Variants in DCTD observed in about 807,000 individuals in gnomAD.
DCTD encodes deoxycytidylate deaminase.
A neutral mutation model predicts 21.0 loss-of-function variants in DCTD; 23 were observed. The ratio of observed to expected loss-of-function variants is 1.09; its 90% CI spans 0.79 to 1.55. DCTD has a LOEUF of 1.55. Among genes scored for constraint, DCTD ranks in the 40% most tolerant of loss-of-function variants. DCTD has a pLI of 0.00. For synonymous variants in DCTD, 71 were observed against 81.1 expected (o/e 0.88, Z 0.67); for missense variants, 224 against 230.0 (o/e 0.97, Z 0.17).
At chr4:182,912,596 C>A (rs1737900551) in intron 3 of DCTD, among the ~76,000 whole-genome samples, 1 of 152,134 alleles carries the variant, frequency 6.6e-6, no homozygotes, top group Admixed American at 6.5e-5. Flanking sequence ...TGGACAAATA[C>A]CTATGCAGGT....
At chr4:182,903,614 T>A (rs951141737) in intron 3 of DCTD, among the ~76,000 whole-genome samples, 5 of 152,002 alleles carry the variant, frequency 3.3e-5, no homozygotes, top group African/African-American at 1.2e-4. Flanking sequence ...GGGGAGAAAG[T>A]GGTGGGTCAC....
chr4:182,916,328 A>C (rs1205505146), intron 1 of DCTD: 2 of 968,922 alleles, frequency 2.1e-6, no homozygotes, highest in East Asian at 2.3e-4. Context: ...GAGCCCACGA[A>C]GGGGGTCCTA....
Position 182,917,349 on chromosome 4 carries a change from C to T in DCTD, c.-46G>A, listed in dbSNP as rs1738924736. 2 of 1,095,028 alleles carry T rather than the reference C, an allele frequency of 1.8e-6. No individual in the cohort carries two copies. The highest frequency in any genetic ancestry group is 2.2e-6 in the Non-Finnish European group (2 of 901,474). 67.8% of individuals were successfully genotyped at this position (1,095,028 alleles called of 1,614,324 possible). A position where few individuals can be genotyped will look rare whatever the true frequency, so the allele number is the denominator to read the frequency against. ...CTCCGCGCGCAGGCCGGTGCTCGTCCCCGCCGCCGCCGTGCTCAGGGAAGG... is the reference window on the plus strand; with the variant it reads ...CTCCGCGCGCAGGCCGGTGCTCGTCTCCGCCGCCGCCGTGCTCAGGGAAGG... On this transcript the variant is annotated 5_prime_UTR_variant, in exon 1 of 6. Transcript: ENST00000438320. This position sits in a 1 kb window ranked among gnomAD's most constrained non-coding sequence, Gnocchi z 4.9.
At chr4:182,896,397 T>C (rs1286408820) in intron 3 of DCTD, among the ~76,000 whole-genome samples, 2 of 152,250 alleles carry the variant, frequency 1.3e-5, no homozygotes, top group Non-Finnish European at 2.9e-5. Flanking sequence ...AATTCCATGT[T>C]TTAGGAGATC....
intron 3 of DCTD, among the ~76,000 whole-genome samples, chr4:182,905,326 CTTTTTT>C (rs70956544): frequency 8.2e-6 from 1 of 121,576 alleles, no homozygotes. Flanking sequence ...AGCCCGCCTT[CTTTTTT>C]TTTTTTTTTT....
intron 3 of DCTD, among the ~76,000 whole-genome samples, chr4:182,900,634 T>C (rs1735559574): frequency 6.6e-6 from 1 of 151,994 alleles, no homozygotes; most frequent in South Asian, 2.1e-4. Flanking sequence ...ATGTTCAACC[T>C]AGAATTACAC....
At chr4:182,916,953 G>A in intron 1 of DCTD, 2 of 996,262 alleles carry the variant, frequency 2.0e-6, no homozygotes, top group Non-Finnish European at 2.4e-6. Context: ...TCGCAACCCC[G>A]TCAGCTCTGA....
intron 5 of DCTD, among the ~76,000 whole-genome samples, chr4:182,892,241 T>C (rs1003105905): frequency 1.3e-5 from 2 of 152,212 alleles, no homozygotes; most frequent in Admixed American, 6.5e-5. Context: ...TGGAAAACTT[T>C]ACAGTCCCAA....
intron 3 of DCTD, among the ~76,000 whole-genome samples, chr4:182,902,342 G>A (rs772974566): frequency 1.3e-5 from 2 of 152,194 alleles, no homozygotes; most frequent in Non-Finnish European, 2.9e-5. Context: ...CCTGCATGAA[G>A]TTCCTATTAG....
chr4:182,900,712 G>C lies in DCTD; in HGVS notation c.245-6107C>G, dbSNP rs540628376. On this transcript the variant is annotated intron_variant, in intron 3 of 5. Transcript: ENST00000438320. ...CATATATATTTGATAAGCACAAAGA[G>C]TGACACACAACCCTCCAGTTATTCC... Among the ~76,000 whole-genome samples, 25 of 152,268 alleles carry C rather than the reference G, an allele frequency of 1.6e-4. No homozygotes were observed. The South Asian group carries it at 5.2e-3, about 32-fold the overall frequency.
At chr4:182,906,064 C>T (rs116059871) in intron 3 of DCTD, among the ~76,000 whole-genome samples, 9 of 152,172 alleles carry the variant, frequency 5.9e-5, no homozygotes, top group African/African-American at 1.9e-4. Context: ...GCCCTCGCAT[C>T]GTACACCACG....
rs35932500 is a variant in DCTD at position 182,914,995 on chromosome 4, T to C, written c.172A>G (p.Asn58Asp). The C allele has an allele frequency of 1.3e-3, 2,132 of 1,614,058 alleles. 2 individuals carry two copies. The highest frequency in any genetic ancestry group is 1.7e-3 in the Non-Finnish European group (1,968 of 1,180,036). The part of the protein sequence containing the change: ...IVGIGYNGMP[N>D]GCSDDVLPWR... ...GGCAACACGTCATCACTGCACCCAT[T>C]TGGCATCCCATTGTACCCAATCCCG... is the stretch of plus-strand genomic sequence containing the variant. Residue 58 changes from asparagine to aspartate, a missense_variant, in exon 3 of 6, where the codon AAT becomes GAT. Transcript: ENST00000438320.
At chr4:182,891,566 G>GA (rs1733755050) in intron 5 of DCTD, 89 bp from the exon 6 acceptor site, 1 of 876,240 alleles carries the variant, frequency 1.1e-6, no homozygotes, top group Non-Finnish European at 1.9e-6. Flanking sequence ...TCTGTGCAGA[G>GA]AAAAATATGT....
chr4:182,891,525 C>T, intron 5 of DCTD, 48 bp from the exon 6 acceptor site: 1 of 1,307,196 alleles, frequency 7.6e-7, no homozygotes, highest in Non-Finnish European at 1.1e-6. Context: ...GTAGTGAAAG[C>T]AATTTGTTTA....
Position 182,917,342 on chromosome 4 carries a change from G to A in DCTD, c.-39C>T. The A allele has an allele frequency of 8.2e-6, 9 of 1,095,348 alleles. No individual in the cohort carries two copies. The highest frequency in any genetic ancestry group is 8.9e-6 in the Non-Finnish European group (8 of 901,578). 67.9% of individuals were successfully genotyped at this position (1,095,348 alleles called of 1,614,324 possible). A position where few individuals can be genotyped will look rare whatever the true frequency, so the allele number is the denominator to read the frequency against. Reference sequence around the variant, plus strand: ...GTGCCGGCTCCGCGCGCAGGCCGGTGCTCGTCCCCGCCGCCGCCGTGCTCA... The same window carrying A: ...GTGCCGGCTCCGCGCGCAGGCCGGTACTCGTCCCCGCCGCCGCCGTGCTCA... On this transcript the variant is annotated 5_prime_UTR_variant, in exon 1 of 6. Coordinates refer to ENST00000438320, the MANE Select transcript of DCTD (RefSeq NM_001921.3). This position sits in a 1 kb window ranked among gnomAD's most constrained non-coding sequence, Gnocchi z 4.9.
intron 1 of DCTD, chr4:182,916,740 G>A: frequency 9.1e-7 from 1 of 1,100,280 alleles, no homozygotes; most frequent in Non-Finnish European, 1.1e-6. Context: ...ATAGGAGGGA[G>A]GGGGAGCCAT....
intron 3 of DCTD, among the ~76,000 whole-genome samples, chr4:182,901,640 C>G (rs1735763129): frequency 6.6e-6 from 1 of 152,146 alleles, no homozygotes; most frequent in African/African-American, 2.4e-5. Flanking sequence ...AGGACTCGAG[C>G]TAAGAAGCGT....
At chr4:182,913,512 A>G (rs1050831465) in intron 3 of DCTD, among the ~76,000 whole-genome samples, 2 of 152,266 alleles carry the variant, frequency 1.3e-5, no homozygotes, top group Non-Finnish European at 2.9e-5. Flanking sequence ...GTCCAGGAAC[A>G]TTAGTAAAAA....
intron 3 of DCTD, among the ~76,000 whole-genome samples, chr4:182,909,087 A>C (rs938715651): frequency 2.0e-5 from 3 of 152,240 alleles, no homozygotes; most frequent in Admixed American, 6.5e-5. Flanking sequence ...TTTTGTTACT[A>C]TATGTCTTTC....
Sources: allele counts gnomAD v4.1 joint callset (sites outside exome capture counted in the v4.1 genomes callset), GRCh38; gene constraint gnomAD v4.1.1; non-coding constraint Gnocchi (gnomAD v3.1); transcripts MANE v1.5; gene names NCBI Gene and HGNC (gene_info 2026-07-23, HGNC 2026-07-21).